CCDC144A: variants seen among roughly 807,000 people sequenced by gnomAD.
CCDC144A encodes coiled-coil domain-containing protein 144A.
CCDC144A carries 41 observed loss-of-function variants against 143.8 expected under a neutral mutation model. That is an observed-to-expected ratio of 0.29 (90% CI 0.22 to 0.37). The LOEUF is 0.37. Ranked by LOEUF, CCDC144A falls within the 10% of genes least tolerant of loss-of-function variation. CCDC144A has a pLI of 1.00. For missense variants in CCDC144A, 637 were observed against 1,488.8 expected, an observed-to-expected ratio of 0.43 and a Z score of 9.41; for synonymous variants, 242 against 517.9, an observed-to-expected ratio of 0.47 and a Z score of 7.23.
chr17:16,669,329 T>C, the CCDC144A span, among the ~76,000 whole-genome samples: 1 of 152,228 alleles, frequency 6.6e-6, no homozygotes, highest in African/African-American at 2.4e-5. Context: ...ACCAAATACA[T>C]GAACTTAGAT....
At position 16,690,258 on chromosome 17, in the gene CCDC144A, G is replaced by GTTGGCTTGGCGGTGGTCGC. The variant is rs1555529776; in HGVS notation, c.-131_-113dup. 7.1e-6 allele frequency: 4 copies of GTTGGCTTGGCGGTGGTCGC among 562,068 alleles called. 1 individual carries two copies. Among genetic ancestry groups the GTTGGCTTGGCGGTGGTCGC allele is most frequent in the African/African-American group, 5.7e-5 (3 of 52,898 alleles). 34.8% of individuals were successfully genotyped at this position (562,068 alleles called of 1,614,324 possible). On this transcript the variant is annotated 5_prime_UTR_variant, in exon 1 of 17. Coordinates refer to ENST00000399273, the MANE Select transcript of CCDC144A (RefSeq NM_001382000.1). ...TTACCCACGAGGCTTTGCGGTGGCT[G>GTTGGCTTGGCGGTGGTCGC]TTGGCTTGGCGGTGGTCGCTTGGCT...
rs1315989970 is a variant in CCDC144A at position 16,735,552 on chromosome 17, C to T, written c.3281C>T (p.Ser1094Leu). Residue 1094 changes from serine (S) to leucine (L), a missense_variant, in exon 12 of 17, where the codon TCA becomes TTA. Physicochemically the swap from Ser to Leu is moderately radical, Grantham distance 145. Transcript: ENST00000399273. ...GCTGAGAGTGAAAAGCAGATTCTTTCACTACAAGAGAAGAACAAGGAGCTG... is the reference window on the plus strand; with the variant it reads ...GCTGAGAGTGAAAAGCAGATTCTTTTACTACAAGAGAAGAACAAGGAGCTG... The part of the protein sequence containing the change: ...LQAESEKQIL[S>L]LQEKNKELMD... The T allele has an allele frequency of 1.2e-6, 1 of 865,750 alleles. No individual in the cohort carries two copies. The highest frequency in any genetic ancestry group is 2.5e-5 in the East Asian group (1 of 40,100). The allele number at this position is 865,750 out of a possible 1,614,324, so 53.6% of individuals were successfully genotyped here. A position where few individuals can be genotyped will look rare whatever the true frequency, so the allele number is the denominator to read the frequency against.
At chr17:16,726,397 AG>A (rs1200795811) in intron 8 of CCDC144A, among the ~76,000 whole-genome samples, 2 of 142,028 alleles carry the variant, frequency 1.4e-5, no homozygotes, top group Non-Finnish European at 3.0e-5. Context: ...AAAAAAAAAG[AG>A]AGATAAAAAA....
intron 5 of CCDC144A, 44 bp from the exon 6 acceptor site, chr17:16,711,635 A>G (rs1426640072): frequency 1.9e-6 from 3 of 1,609,618 alleles, no homozygotes; most frequent in African/African-American, 2.7e-5. Flanking sequence ...TTTGTATTGA[A>G]TAAAGCAATA....
chr17:16,693,472 C>A (rs1181776545), intron 2 of CCDC144A, among the ~76,000 whole-genome samples: 8 of 152,006 alleles, frequency 5.3e-5, no homozygotes. Flanking sequence ...CCCGCCACCC[C>A]GCCCGGCTAA....
At chr17:16,714,637 T>C (rs920852303) in intron 6 of CCDC144A, among the ~76,000 whole-genome samples, 1 of 151,948 alleles carries the variant, frequency 6.6e-6, no homozygotes, top group African/African-American at 2.4e-5. Flanking sequence ...GACTGTTAAT[T>C]GGTCTGTTTT....
At chr17:16,697,246 A>G (rs1169036439) in intron 2 of CCDC144A, among the ~76,000 whole-genome samples, 2 of 152,168 alleles carry the variant, frequency 1.3e-5, no homozygotes, top group Admixed American at 1.3e-4. Context: ...TATGGTATAA[A>G]GCAGGGATTG....
intron 6 of CCDC144A, among the ~76,000 whole-genome samples, chr17:16,716,973 A>C (rs78769519): frequency 0.014 from 2,061 of 151,336 alleles, 56 homozygotes; most frequent in African/African-American, 0.048. Flanking sequence ...ACCACCGCAC[A>C]CGGCTAATTT....
chr17:16,738,600 T>C (rs980639631), intron 12 of CCDC144A, among the ~76,000 whole-genome samples: 3 of 152,216 alleles, frequency 2.0e-5, no homozygotes, highest in Non-Finnish European at 4.4e-5. Context: ...AGGTTCATTG[T>C]GTTGTAACAT....
the CCDC144A span, among the ~76,000 whole-genome samples, chr17:16,678,240 T>C: frequency 1.3e-5 from 2 of 151,884 alleles, no homozygotes; most frequent in South Asian, 4.2e-4. Context: ...GCCATCCGAC[T>C]TAGGGGCCTC....
intron 8 of CCDC144A, among the ~76,000 whole-genome samples, chr17:16,723,060 G>A (rs191610697): frequency 1.4e-4 from 22 of 152,106 alleles, no homozygotes. Flanking sequence ...TGAGGGCGGG[G>A]GAGAGGTCAT....
intron 1 of CCDC144A, among the ~76,000 whole-genome samples, chr17:16,691,454 A>T (rs1207445817): frequency 1.3e-5 from 2 of 151,426 alleles, no homozygotes; most frequent in Non-Finnish European, 2.9e-5. Context: ...TGACTCATGA[A>T]TATCCATGTA....
the CCDC144A span, among the ~76,000 whole-genome samples, chr17:16,681,733 G>A: frequency 2.0e-5 from 3 of 151,960 alleles, no homozygotes; most frequent in African/African-American, 4.8e-5. Context: ...GGTGGCGCAC[G>A]CCTATAATCC....
intron 16 of CCDC144A, 141 bp from the exon 17 acceptor site, chr17:16,773,356 G>A: frequency 2.7e-6 from 3 of 1,124,850 alleles, no homozygotes; most frequent in East Asian, 3.0e-5. Flanking sequence ...GCTGAGGCAG[G>A]AGAATTGCTT....
intron 15 of CCDC144A, chr17:16,767,268 C>T (rs577408523): frequency 0.033 from 4,813 of 147,208 alleles, 38 homozygotes; most frequent in Middle Eastern, 0.1. Flanking sequence ...GCACTGCAGC[C>T]CAGGTGACAG....
At chr17:16,767,672 CTT>C (rs1030525220) in intron 15 of CCDC144A, among the ~76,000 whole-genome samples, 1 of 152,200 alleles carries the variant, frequency 6.6e-6, no homozygotes, top group African/African-American at 2.4e-5. Context: ...GATTTTAACA[CTT>C]TGGACTATTC....
intron 8 of CCDC144A, among the ~76,000 whole-genome samples, chr17:16,721,351 G>A (rs2143184282): frequency 6.6e-6 from 1 of 151,694 alleles, no homozygotes; most frequent in East Asian, 1.9e-4. Flanking sequence ...CTGCTAAATT[G>A]TTTTCCAAAG....
intron 12 of CCDC144A, among the ~76,000 whole-genome samples, chr17:16,741,776 T>C (rs989845086): frequency 1.3e-5 from 2 of 152,200 alleles, no homozygotes; most frequent in Non-Finnish European, 2.9e-5. Context: ...ACCTGTATAA[T>C]TGAACATATT....
In CCDC144A at chr17:16,704,148, T is replaced by C. The variant is rs1407125410; in HGVS notation, c.416-1003T>C. Among the ~76,000 whole-genome samples, 4 of 152,078 alleles carry C rather than the reference T, an allele frequency of 2.6e-5. No individual in the cohort carries two copies. In the East Asian group the frequency reaches 5.8e-4, roughly 22 times the overall value. On this transcript the variant is annotated intron_variant, in intron 2 of 16. Transcript: ENST00000399273. ...TGTGTTTTTGGCTTTTTTCTTTCAC[T>C]TGTCTTAAAAAATTTAAATCTCAGG...
Sources: allele counts gnomAD v4.1 joint callset (sites outside exome capture counted in the v4.1 genomes callset), GRCh38; gene constraint gnomAD v4.1.1; transcripts MANE v1.5; gene names NCBI Gene and HGNC (gene_info 2026-07-23, HGNC 2026-07-21).